The following MYO1B variants were observed in gnomAD, a reference collection of about 807,000 sequenced individuals.
MYO1B encodes myosin IB.
Under a neutral mutation model 159.7 loss-of-function variants are expected in MYO1B, and 72 were observed. That is an observed-to-expected ratio of 0.45 (90% CI 0.37 to 0.55). The LOEUF (loss-of-function observed/expected upper bound fraction) is 0.55, where lower values mean the gene tolerates loss of function less well. Ranked by LOEUF, MYO1B falls within the 20% of genes least tolerant of loss-of-function variation. The pLI, the probability that MYO1B is intolerant of heterozygous loss-of-function variation, is 0.00. For missense variants in MYO1B, 1,062 were observed against 1,364.8 expected (o/e 0.78, Z 3.50); for synonymous variants, 468 against 473.8 (o/e 0.99, Z 0.16).
intron 1 of MYO1B, among the ~76,000 whole-genome samples, chr2:191,267,288 TG>T (rs1309837002): frequency 6.6e-6 from 1 of 152,216 alleles, no homozygotes; most frequent in Admixed American, 6.5e-5. Flanking sequence ...GGTAATTTCA[TG>T]TCCTTTGTAT....
At chr2:191,310,528 G>A (rs971447331) in intron 3 of MYO1B, among the ~76,000 whole-genome samples, 1 of 152,204 alleles carries the variant, frequency 6.6e-6, no homozygotes, top group African/African-American at 2.4e-5. Context: ...TGAAGTAGGT[G>A]GCTTTTGTAG....
intron 13 of MYO1B, among the ~76,000 whole-genome samples, chr2:191,373,140 G>T (rs13390185): frequency 0.063 from 9,516 of 152,008 alleles, 1,001 homozygotes; most frequent in African/African-American, 0.22. Flanking sequence ...ATGAGCCACC[G>T]CGCCGGCCTG....
intron 7 of MYO1B, 97 bp from the exon 8 acceptor site, chr2:191,360,534 G>T: frequency 2.8e-6 from 2 of 725,138 alleles, no homozygotes; most frequent in South Asian, 2.0e-5. Context: ...TTTTATTACT[G>T]CAGAATAGAA....
In MYO1B at chr2:191,339,232, A is replaced by G. The variant is rs191394592; in HGVS notation, c.347-2229A>G. Among the ~76,000 whole-genome samples, 1,189 of 152,308 alleles carry G rather than the reference A, an allele frequency of 7.8e-3. 9 individuals carry two copies. The highest frequency in any genetic ancestry group is 0.027 in the African/African-American group (1,137 of 41,560). ...CTCACCTGAATTGAAATTGAAAGGC[A>G]GAGAGCCTAGAAAGTATCCTGAAGT... On this transcript the variant is annotated intron_variant, in intron 4 of 30. Transcript: ENST00000392318.
chr2:191,275,887 A>G (rs1480986772), intron 1 of MYO1B, among the ~76,000 whole-genome samples: 4 of 152,352 alleles, frequency 2.6e-5, no homozygotes, highest in South Asian at 4.1e-4. Context: ...ACACACTCCT[A>G]TGCTCAGAAA....
chr2:191,363,820 C>G lies in MYO1B; in HGVS notation c.858C>G (p.Phe286Leu). 2 of 1,613,828 alleles carry G rather than the reference C, an allele frequency of 1.2e-6. No individual in the cohort carries two copies. Among genetic ancestry groups the G allele is most frequent in the Non-Finnish European group, 1.7e-6 (2 of 1,179,950 alleles). ...TGTTGAAACTGGGGAACATTGAGTTCAAGCCCGAATCTCGAGTGAATGGTC... is the reference window on the plus strand; with the variant it reads ...TGTTGAAACTGGGGAACATTGAGTTGAAGCCCGAATCTCGAGTGAATGGTC... ...AAVLKLGNIE[F>L]KPESRVNGLD... The change falls in exon 10 of 31, where the codon TTC becomes TTG. Residue 286 changes from phenylalanine to leucine, a missense_variant. Coordinates refer to ENST00000392318, the MANE Select transcript of MYO1B (RefSeq NM_001130158.3).
At chr2:191,329,617 A>G (rs1024512555) in intron 3 of MYO1B, among the ~76,000 whole-genome samples, 4 of 147,616 alleles carry the variant, frequency 2.7e-5, no homozygotes, top group Non-Finnish European at 6.0e-5. Flanking sequence ...TATAAATTTT[A>G]TATAAATTTA....
At position 191,364,292 on chromosome 2, in the gene MYO1B, T is replaced by C. The variant is rs1355356690; in HGVS notation, c.1032+16T>C. 5 of 1,575,764 alleles carry C rather than the reference T, an allele frequency of 3.2e-6. No individual in the cohort carries two copies. The South Asian group carries it at 5.6e-5, about 18-fold the overall frequency. On this transcript the variant is annotated intron_variant, in intron 11 of 30. Transcript: ENST00000392318. ...TGTGGCTCAGGTGGGTGAAACATAA[T>C]GTACAGACGAAAGTTTCTTAAAAGT...
chr2:191,357,985 A>C (rs1466362141), intron 7 of MYO1B, among the ~76,000 whole-genome samples: 1 of 152,238 alleles, frequency 6.6e-6, no homozygotes, highest in Non-Finnish European at 1.5e-5. Context: ...AAGCATTTTA[A>C]GTGGTAAAAC....
chr2:191,308,070 C>A (rs373956387), intron 3 of MYO1B, among the ~76,000 whole-genome samples: 9 of 152,264 alleles, frequency 5.9e-5, no homozygotes, highest in African/African-American at 2.2e-4. Flanking sequence ...GATTCCCCCC[C>A]ACTCTAATCA....
chr2:191,409,208 A>G (rs759332521), intron 26 of MYO1B, 30 bp downstream of exon 26: 2 of 1,588,942 alleles, frequency 1.3e-6, no homozygotes, highest in South Asian at 2.3e-5. Flanking sequence ...ATCTTTTCGG[A>G]GACTTTCTTA....
intron 3 of MYO1B, among the ~76,000 whole-genome samples, chr2:191,296,982 A>G (rs551826335): frequency 1.3e-5 from 2 of 152,344 alleles, no homozygotes; most frequent in East Asian, 3.8e-4. Flanking sequence ...CCTCCAAATA[A>G]AAATATCTGA....
At chr2:191,279,514 T>A (rs1222135790) in intron 2 of MYO1B, among the ~76,000 whole-genome samples, 1 of 152,090 alleles carries the variant, frequency 6.6e-6, no homozygotes, top group Non-Finnish European at 1.5e-5. Context: ...ATATATTGCT[T>A]TTGTAATTAA....
intron 3 of MYO1B, among the ~76,000 whole-genome samples, chr2:191,303,099 A>G (rs1454821858): frequency 6.6e-6 from 1 of 152,230 alleles, no homozygotes; most frequent in African/African-American, 2.4e-5. Flanking sequence ...ATATCTCAAA[A>G]TGTACCAGTG....
At chr2:191,370,023 T>A (rs1212948655) in intron 12 of MYO1B, among the ~76,000 whole-genome samples, 3 of 152,216 alleles carry the variant, frequency 2.0e-5, no homozygotes, top group Admixed American at 6.5e-5. Flanking sequence ...TAATGCCTTC[T>A]TTAAATATAT....
intron 18 of MYO1B, among the ~76,000 whole-genome samples, chr2:191,391,670 G>T (rs997065229): frequency 1.3e-5 from 2 of 152,206 alleles, no homozygotes; most frequent in African/African-American, 4.8e-5. Context: ...GTTCCTTAGC[G>T]TCCCGTTGGT....
chr2:191,277,718 G>C (rs1687834891), intron 2 of MYO1B, among the ~76,000 whole-genome samples: 2 of 152,220 alleles, frequency 1.3e-5, no homozygotes, highest in Admixed American at 1.3e-4. Flanking sequence ...ATCTGCAGAA[G>C]TAAAGGTGTA....
chr2:191,322,074 A>G (rs1353853889), intron 3 of MYO1B, among the ~76,000 whole-genome samples: 1 of 152,196 alleles, frequency 6.6e-6, no homozygotes, highest in African/African-American at 2.4e-5. Flanking sequence ...TGCAGTAGCA[A>G]GGGCAGATAA....
chr2:191,307,582 G>A (rs1432443355), intron 3 of MYO1B, among the ~76,000 whole-genome samples: 2 of 152,112 alleles, frequency 1.3e-5, no homozygotes, highest in African/African-American at 4.8e-5. Context: ...GCTCTGGTTC[G>A]AACACCTCCG....
Sources: gnomAD v4.1 joint callset for allele counts (sites outside exome capture counted in the v4.1 genomes callset) on GRCh38, gnomAD v4.1.1 for gene constraint, MANE v1.5 for transcripts, NCBI Gene and HGNC (gene_info 2026-07-23, HGNC 2026-07-21) for gene names.